C3orf20: variants seen among roughly 807,000 people sequenced by gnomAD.
C3orf20 encodes the protein uncharacterized protein C3orf20.
A neutral mutation model predicts 88.3 loss-of-function variants in C3orf20; 76 were observed. The ratio of observed to expected loss-of-function variants is 0.86; its 90% CI spans 0.72 to 1.04. The LOEUF is 1.04. Ranked by LOEUF, C3orf20 falls within the 50% of genes least tolerant of loss-of-function variation. The pLI is 0.00. For missense variants in C3orf20, 1,056 were observed against 1,123.3 expected (o/e 0.94, Z 0.86); for synonymous variants, 436 against 437.4 (o/e 1.00, Z 0.04).
Position 14,758,230 on chromosome 3 carries a change from A to G in C3orf20, c.2244+556A>G, listed in dbSNP as rs145258801. Among the ~76,000 whole-genome samples the G allele has an allele frequency of 3.0e-3, 456 of 152,330 alleles. 3 individuals carry two copies. Among genetic ancestry groups the G allele is most frequent in the African/African-American group, 8.9e-3 (368 of 41,580 alleles). ...AGCCTGGGAACATGTGCCTGCTGCC[A>G]TCTGGGGGTCCGGAGGGCCATCCAG... is the stretch of plus-strand genomic sequence containing the variant. On this transcript the variant is annotated intron_variant, in intron 13 of 16. Transcript: ENST00000253697.
At chr3:14,748,955 C>T (rs1018228660) in intron 12 of C3orf20, among the ~76,000 whole-genome samples, 2 of 152,136 alleles carry the variant, frequency 1.3e-5, no homozygotes, top group African/African-American at 4.8e-5. Context: ...CTATATGTGT[C>T]TGTTAGTTCT....
chr3:14,766,523 T>C (rs535014930), intron 15 of C3orf20, among the ~76,000 whole-genome samples: 1 of 152,286 alleles, frequency 6.6e-6, no homozygotes, highest in South Asian at 2.1e-4. Context: ...CACACGACAG[T>C]CACTGCTATC....
chr3:14,757,152 A>T (rs1408399527), intron 12 of C3orf20, among the ~76,000 whole-genome samples: 1 of 152,176 alleles, frequency 6.6e-6, no homozygotes, highest in Non-Finnish European at 1.5e-5. Context: ...GACCCAATGG[A>T]TGGGTGAAGG....
intron 1 of C3orf20, among the ~76,000 whole-genome samples, chr3:14,678,837 A>G (rs367794118): frequency 6.6e-6 from 1 of 152,234 alleles, no homozygotes; most frequent in Non-Finnish European, 1.5e-5. Flanking sequence ...ATGGAACACA[A>G]TTAGCCATTA....
chr3:14,713,363 C>G (rs1484730605), intron 7 of C3orf20, among the ~76,000 whole-genome samples: 1 of 152,150 alleles, frequency 6.6e-6, no homozygotes, highest in African/African-American at 2.4e-5. Flanking sequence ...TTTCTTTCTG[C>G]TTTCATTCTG....
At chr3:14,721,917 A>G in intron 10 of C3orf20, 133 bp downstream of exon 10, 1 of 1,104,014 alleles carries the variant, frequency 9.1e-7, no homozygotes, top group Non-Finnish European at 1.3e-6. Context: ...TTCCTCTGCC[A>G]TTATTCACCA....
chr3:14,699,922 G>A (rs2033177078), intron 5 of C3orf20, among the ~76,000 whole-genome samples: 1 of 41,370 alleles, frequency 2.4e-5, no homozygotes, highest in Non-Finnish European at 7.1e-5. Flanking sequence ...AACACAGGAT[G>A]CAGCCACTTG....
At chr3:14,762,360 G>A (rs1000598024) in intron 15 of C3orf20, among the ~76,000 whole-genome samples, 1 of 152,210 alleles carries the variant, frequency 6.6e-6, no homozygotes, top group African/African-American at 2.4e-5. Flanking sequence ...TTCTTGAGCC[G>A]AGAGACCTAG....
intron 10 of C3orf20, chr3:14,722,080 G>A: frequency 3.0e-6 from 1 of 335,414 alleles, no homozygotes; most frequent in South Asian, 3.7e-5. Context: ...GCAGTTTCAG[G>A]CATGGCTGGA....
intron 5 of C3orf20, among the ~76,000 whole-genome samples, chr3:14,699,554 G>C (rs925498967): frequency 2.0e-5 from 3 of 152,248 alleles, no homozygotes; most frequent in Admixed American, 2.0e-4. Flanking sequence ...TCATCTGGGA[G>C]TAGGGCCTGG....
chr3:14,757,099 G>A (rs558669375), intron 12 of C3orf20, among the ~76,000 whole-genome samples: 2 of 152,278 alleles, frequency 1.3e-5, no homozygotes, highest in East Asian at 1.9e-4. Flanking sequence ...GGATGTGTTC[G>A]GTGTGAGAGA....
chr3:14,692,259 A>AC (rs2032770926), intron 5 of C3orf20, among the ~76,000 whole-genome samples: 2 of 152,172 alleles, frequency 1.3e-5, no homozygotes, highest in Non-Finnish European at 2.9e-5. Context: ...TCAGGTATAT[A>AC]CCTACGTGTG....
At chr3:14,744,911 A>G (rs965706794) in intron 12 of C3orf20, among the ~76,000 whole-genome samples, 1 of 152,228 alleles carries the variant, frequency 6.6e-6, no homozygotes, top group African/African-American at 2.4e-5. Flanking sequence ...GACACAGCCA[A>G]ACCATATCAT....
At chr3:14,742,342 G>A (rs1335699635) in intron 12 of C3orf20, among the ~76,000 whole-genome samples, 4 of 152,174 alleles carry the variant, frequency 2.6e-5, no homozygotes, top group African/African-American at 4.8e-5. Flanking sequence ...TTTGGGAGGC[G>A]TTAGATGAGA....
chr3:14,757,161 G>C (rs2035397141), intron 12 of C3orf20, among the ~76,000 whole-genome samples: 1 of 152,186 alleles, frequency 6.6e-6, no homozygotes. Context: ...GATGGGTGAA[G>C]GAGTAACTTG....
intron 7 of C3orf20, among the ~76,000 whole-genome samples, chr3:14,706,891 A>G (rs1249959457): frequency 1.3e-5 from 2 of 152,190 alleles, no homozygotes; most frequent in African/African-American, 2.4e-5. Context: ...TGGCTTCCAT[A>G]GAACACTGGG....
intron 15 of C3orf20, among the ~76,000 whole-genome samples, chr3:14,764,165 A>T (rs1376141298): frequency 5.3e-5 from 8 of 152,124 alleles, no homozygotes; most frequent in African/African-American, 1.7e-4. Context: ...ATACACATGC[A>T]TACACTATAC....
Position 14,692,390 on chromosome 3 carries a change from A to G in C3orf20, c.745+2274A>G, listed in dbSNP as rs139432443. On this transcript the variant is annotated intron_variant, in intron 5 of 16. Transcript: ENST00000253697. ...CAGTTAGGAGGGTTTCCTTTTCTCC[A>G]CATCCTCACCAGCATTTGTTGTTGC... Among the ~76,000 whole-genome samples the G allele has an allele frequency of 4.3e-4, 65 of 152,274 alleles. 3 individuals carry two copies. The East Asian group carries it at 0.013, about 29-fold the overall frequency.
chr3:14,743,555 A>G (rs1398469894), intron 12 of C3orf20, among the ~76,000 whole-genome samples: 1 of 152,002 alleles, frequency 6.6e-6, no homozygotes, highest in Non-Finnish European at 1.5e-5. Context: ...TCCACTAGGC[A>G]GTGCCCCAGT....
Sources: gnomAD v4.1 joint callset for allele counts (sites outside exome capture counted in the v4.1 genomes callset) on GRCh38, gnomAD v4.1.1 for gene constraint, MANE v1.5 for transcripts, NCBI Gene and HGNC (gene_info 2026-07-23, HGNC 2026-07-21) for gene names.